Variants in STAT4 observed in about 807,000 individuals in gnomAD.
STAT4 encodes signal transducer and activator of transcription 4.
A neutral mutation model predicts 110.5 loss-of-function variants in STAT4; 42 were observed. The observed-to-expected ratio is 0.38, with a 90% CI of 0.30 to 0.49. The LOEUF is 0.49. Among genes scored for constraint, STAT4 ranks in the 20% least tolerant of loss-of-function variants. STAT4 has a pLI of 0.95. For missense variants in STAT4, 632 were observed against 887.9 expected, an observed-to-expected ratio of 0.71 and a Z score of 3.66; for synonymous variants, 284 against 302.2, an observed-to-expected ratio of 0.94 and a Z score of 0.63.
At chr2:191,079,058 G>A (rs996232009) in intron 3 of STAT4, among the ~76,000 whole-genome samples, 20 of 152,000 alleles carry the variant, frequency 1.3e-4, no homozygotes, top group Admixed American at 9.2e-4. Flanking sequence ...CATAAATCAA[G>A]TGTTCCTTTG....
chr2:191,073,584 G>A (rs191328449), intron 4 of STAT4, among the ~76,000 whole-genome samples: 1 of 152,276 alleles, frequency 6.6e-6, no homozygotes, highest in East Asian at 1.9e-4. Context: ...CAGCTACTTG[G>A]GAGGCTGAGG....
chr2:191,138,261 A>C lies in STAT4; in HGVS notation c.273+8352T>G, dbSNP rs955467097. Among the ~76,000 whole-genome samples, 1 of 152,172 alleles carries C rather than the reference A, an allele frequency of 6.6e-6. No individual in the cohort carries two copies. The highest frequency in any genetic ancestry group is 1.5e-5 in the Non-Finnish European group (1 of 68,020). ...CCCAGCATAACACAAGAAATAACAAAGATCAGAGAACTAAATAAAATCAAA... is the reference window on the plus strand; with the variant it reads ...CCCAGCATAACACAAGAAATAACAACGATCAGAGAACTAAATAAAATCAAA... On this transcript the variant is annotated intron_variant, in intron 3 of 23. Transcript: ENST00000392320. This position sits in a 1 kb window ranked among gnomAD's most constrained non-coding sequence, Gnocchi z 4.3.
Position 191,069,768 on chromosome 2 carries a change from T to C in STAT4, c.469A>G (p.Thr157Ala), listed in dbSNP as rs372399682. 27 of 1,607,276 alleles carry C rather than the reference T, an allele frequency of 1.7e-5. No homozygotes were observed. Among genetic ancestry groups the C allele is most frequent in the African/African-American group, 2.7e-5 (2 of 74,516 alleles). The change falls in exon 6 of 24, where the codon ACA (threonine) becomes GCA (alanine). Residue 157 changes from threonine to alanine, a missense_variant. By Grantham distance (58) the Thr-to-Ala change is moderately conservative. Around this residue, in one of 4 missense-constraint regions of STAT4, gnomAD observed 488 missense variants for 632.8 expected, o/e 0.77. Coordinates refer to ENST00000392320, the MANE Select transcript of STAT4 (RefSeq NM_003151.4). ...TCTAAGTATTTGGTATCTTGTTCTG[T>C]CATCTTTTCACAAAAGAAAACATAC... is the stretch of plus-strand genomic sequence containing the variant. ...VAAIKNSVQM[T>A]EQDTKYLEDL...
At chr2:191,093,705 C>T (rs1029971582) in intron 3 of STAT4, among the ~76,000 whole-genome samples, 1 of 152,176 alleles carries the variant, frequency 6.6e-6, no homozygotes, top group Non-Finnish European at 1.5e-5. Flanking sequence ...CAGCTCCTTG[C>T]CAGCAACAGA....
At chr2:191,034,233 T>C (rs1695980254) in intron 18 of STAT4, among the ~76,000 whole-genome samples, 1 of 152,064 alleles carries the variant, frequency 6.6e-6, no homozygotes, top group Admixed American at 6.5e-5. Context: ...CCATCCTGAC[T>C]AACACGGTGA....
chr2:191,053,136 T>C lies in STAT4; in HGVS notation c.1251+1354A>G, dbSNP rs1333393421. ...GTGTGATAAATTGGATGTCATTGGATGCTGGATTTATAAAGTGCTTTTCCT... is the reference window on the plus strand; with the variant it reads ...GTGTGATAAATTGGATGTCATTGGACGCTGGATTTATAAAGTGCTTTTCCT... On this transcript the variant is annotated intron_variant, in intron 14 of 23. Coordinates refer to ENST00000392320, the MANE Select transcript of STAT4 (RefSeq NM_003151.4). The surrounding 1 kb of genome is among the most constrained non-coding windows in gnomAD (Gnocchi z 4.5). Among the ~76,000 whole-genome samples, 1 of 152,234 alleles carries C rather than the reference T, an allele frequency of 6.6e-6. No homozygotes were observed. The highest frequency in any genetic ancestry group is 1.5e-5 in the Non-Finnish European group (1 of 68,042).
intron 3 of STAT4, among the ~76,000 whole-genome samples, chr2:191,089,793 A>C (rs1697741253): frequency 6.6e-6 from 1 of 152,238 alleles, no homozygotes; most frequent in African/African-American, 2.4e-5. Flanking sequence ...AAGTAAAAGC[A>C]GCCAACGTGA....
intron 4 of STAT4, 182 bp downstream of exon 4, chr2:191,076,045 G>T (rs1697308867): frequency 1.7e-5 from 9 of 523,354 alleles, no homozygotes; most frequent in Middle Eastern, 3.4e-4. Context: ...TTGGAGACAG[G>T]GTCTTGCTGC....
Position 191,030,831 on chromosome 2 carries a change from T to G in STAT4, c.2220+141A>C. The stretch of plus-strand genomic sequence containing the variant: ...CAACACGCAGGACCATCCAGACACC[T>G]TTTGTGTTATGCTCATGAATTTGTT... On this transcript the variant is annotated intron_variant, in intron 23 of 23. Transcript: ENST00000392320. The surrounding 1 kb of genome is among the most constrained non-coding windows in gnomAD (Gnocchi z 4.4). 1.4e-6 allele frequency: 1 copy of G among 723,812 alleles called. No individual in the cohort carries two copies. Among genetic ancestry groups the G allele is most frequent in the Non-Finnish European group, 2.3e-6 (1 of 425,644 alleles). The allele number at this position is 723,812 out of a possible 1,614,324, so 44.8% of individuals were successfully genotyped here. A position where few individuals can be genotyped will look rare whatever the true frequency, so the allele number is the denominator to read the frequency against.
At chr2:191,048,788 C>CAAAAA (rs60267174) in intron 14 of STAT4, among the ~76,000 whole-genome samples, 3 of 48,794 alleles carry the variant, frequency 6.1e-5, no homozygotes, top group Non-Finnish European at 9.6e-5. Context: ...AACTCCATCT[C>CAAAAA]AAAAAAAAAA....
rs1003956840 is a variant in STAT4, at chr2:191,062,486, AC to A, written c.941+275del. Reference sequence around the variant, plus strand: ...TTCATGGATATGCACATAAGAAAAAACCCTTGAAATTTTTTCTAAGATGTGA... The same window carrying A: ...TTCATGGATATGCACATAAGAAAAAACCTTGAAATTTTTTCTAAGATGTGA... On this transcript the variant is annotated intron_variant, in intron 9 of 23. Transcript: ENST00000392320. The surrounding 1 kb of genome is among the most constrained non-coding windows in gnomAD (Gnocchi z 4.9). Among the ~76,000 whole-genome samples the A allele has an allele frequency of 6.6e-6, 1 of 152,020 alleles. No individual in the cohort carries two copies. Among genetic ancestry groups the A allele is most frequent in the African/African-American group, 2.4e-5 (1 of 41,376 alleles).
At chr2:191,070,020 G>A (rs896549180) in intron 5 of STAT4, among the ~76,000 whole-genome samples, 15 of 151,970 alleles carry the variant, frequency 9.9e-5, no homozygotes, top group African/African-American at 3.6e-4. Context: ...GCATCTACCT[G>A]CTCATTTCTT....
At chr2:191,100,541 C>T (rs1698123271) in intron 3 of STAT4, among the ~76,000 whole-genome samples, 1 of 152,126 alleles carries the variant, frequency 6.6e-6, no homozygotes, top group South Asian at 2.1e-4. Context: ...AAGATGCTAA[C>T]ACCTACAGGT....
rs1290794484 is a variant in STAT4 at position 191,039,464 on chromosome 2, T to C, written c.1336-167A>G. Among the ~76,000 whole-genome samples, 1 of 152,206 alleles carries C rather than the reference T, an allele frequency of 6.6e-6. No homozygotes were observed. Among genetic ancestry groups the C allele is most frequent in the African/African-American group, 2.4e-5 (1 of 41,458 alleles). On this transcript the variant is annotated intron_variant, in intron 15 of 23. Transcript: ENST00000392320. The surrounding 1 kb of genome is among the most constrained non-coding windows in gnomAD (Gnocchi z 4.7). ...AAATGACTTGTGAAGGCCATGGAAC[T>C]TTCTGAGCATGCATAAGTAAGGGCA... is the stretch of plus-strand genomic sequence containing the variant.
At position 191,033,634 on chromosome 2, in the gene STAT4, T is replaced by C. The variant is rs759501348; in HGVS notation, c.1716-8A>G. ...ACAAAGCCCATGACATACCTAAAAA[T>C]AGAACATGCATTATTTCATCTGATC... On this transcript the variant is annotated splice_region_variant and splice_polypyrimidine_tract_variant and intron_variant, in intron 19 of 23. Coordinates refer to ENST00000392320, the MANE Select transcript of STAT4 (RefSeq NM_003151.4). The surrounding 1 kb of genome is among the most constrained non-coding windows in gnomAD (Gnocchi z 6.9). The C allele has an allele frequency of 3.2e-5, 51 of 1,610,250 alleles. No homozygotes were observed. In the Admixed American group the frequency reaches 8.0e-4, roughly 25 times the overall value.
At chr2:191,097,522 G>A (rs537392929) in intron 3 of STAT4, among the ~76,000 whole-genome samples, 2 of 152,140 alleles carry the variant, frequency 1.3e-5, no homozygotes, top group Non-Finnish European at 2.9e-5. Context: ...AATGGGGAAA[G>A]GATTCCCTAT....
At chr2:191,093,492 G>A (rs937471190) in intron 3 of STAT4, among the ~76,000 whole-genome samples, 5 of 152,240 alleles carry the variant, frequency 3.3e-5, no homozygotes, top group African/African-American at 1.2e-4. Context: ...TTGCAGCTGA[G>A]GGACCTGACT....
At chr2:191,096,478 T>A (rs1697986260) in intron 3 of STAT4, among the ~76,000 whole-genome samples, 1 of 152,182 alleles carries the variant, frequency 6.6e-6, no homozygotes, top group African/African-American at 2.4e-5. Flanking sequence ...TGCAAATCGA[T>A]AAACATAATC....
Position 191,112,032 on chromosome 2 carries a change from G to A in STAT4, c.273+34581C>T, listed in dbSNP as rs758574612. On this transcript the variant is annotated intron_variant, in intron 3 of 23. Transcript: ENST00000392320. The surrounding 1 kb of genome is among the most constrained non-coding windows in gnomAD (Gnocchi z 4.3). ...GAAGGGACATGAGGAAACTTTCAAG[G>A]GTGCTGGATATTTTTATTATCTTGA... Among the ~76,000 whole-genome samples the A allele has an allele frequency of 6.6e-6, 1 of 151,998 alleles. No homozygotes were observed. Among genetic ancestry groups the A allele is most frequent in the African/African-American group, 2.4e-5 (1 of 41,358 alleles).
Sources: allele counts gnomAD v4.1 joint callset (sites outside exome capture counted in the v4.1 genomes callset), GRCh38; gene constraint gnomAD v4.1.1; regional missense constraint gnomAD v4.1.1; non-coding constraint Gnocchi (gnomAD v3.1); transcripts MANE v1.5; gene names NCBI Gene and HGNC (gene_info 2026-07-23, HGNC 2026-07-21).